RADIL: variants seen among roughly 807,000 people sequenced by gnomAD.
The protein encoded by RADIL is Rap associating with DIL domain.
A neutral mutation model predicts 97.6 loss-of-function variants in RADIL; 99 were observed. The ratio of observed to expected loss-of-function variants is 1.01; its 90% CI spans 0.86 to 1.20. The LOEUF (loss-of-function observed/expected upper bound fraction) is 1.20. Among genes scored for constraint, RADIL ranks in the 50% most tolerant of loss-of-function variants. The pLI, the probability that RADIL is intolerant of heterozygous loss-of-function variation, is 0.00. For synonymous variants in RADIL, 803 were observed against 691.8 expected (o/e 1.16, Z -2.52); for missense variants, 1,765 against 1,498.9 (o/e 1.18, Z -2.93).
At position 4,797,377 on chromosome 7, in the gene RADIL, G is replaced by C. The variant is rs776977068; in HGVS notation, c.*2001C>G. On this transcript the variant is annotated 3_prime_UTR_variant, in exon 15 of 15. Coordinates refer to ENST00000399583, the MANE Select transcript of RADIL (RefSeq NM_018059.5). ...TGGAAGGTCCCAGAATATCACTTATGCTGCATCCTGTTGTTCGGAGCAAGT... is the reference window on the plus strand; with the variant it reads ...TGGAAGGTCCCAGAATATCACTTATCCTGCATCCTGTTGTTCGGAGCAAGT... The C allele has an allele frequency of 6.6e-6, 1 of 152,236 alleles. No individual in the cohort carries two copies. Among genetic ancestry groups the C allele is most frequent in the Non-Finnish European group, 1.5e-5 (1 of 68,058 alleles). 9.4% of individuals were successfully genotyped at this position (152,236 alleles called of 1,614,324 possible). A position where few individuals can be genotyped will look rare whatever the true frequency, so the allele number is the denominator to read the frequency against.
intron 2 of RADIL, chr7:4,860,927 T>C: frequency 1.2e-6 from 2 of 1,614,206 alleles, no homozygotes; most frequent in Non-Finnish European, 1.7e-6. Flanking sequence ...CAAATTAAGA[T>C]TCCGTTCTTC....
intron 12 of RADIL, 40 bp from the exon 13 acceptor site, chr7:4,800,350 C>T (rs1782040648): frequency 7.1e-7 from 1 of 1,416,600 alleles, no homozygotes. Context: ...AGTGAGGCGC[C>T]AGGAATCACG....
At position 4,880,962 on chromosome 7, in the gene RADIL, G is replaced by C. The variant is rs1432290069; in HGVS notation, c.-65+2634C>G. The stretch of plus-strand genomic sequence containing the variant: ...AAAATAAAAATAAAAAATTAGCTGG[G>C]CATGGTGTGCACCTGTAGTCCCAGC... On this transcript the variant is annotated intron_variant, in intron 1 of 14. Coordinates refer to ENST00000399583, the MANE Select transcript of RADIL (RefSeq NM_018059.5). The surrounding 1 kb of genome is among the most constrained non-coding windows in gnomAD (Gnocchi z 4.5). Among the ~76,000 whole-genome samples, 1 of 152,128 alleles carries C rather than the reference G, an allele frequency of 6.6e-6. No individual in the cohort carries two copies. Among genetic ancestry groups the C allele is most frequent in the East Asian group, 1.9e-4 (1 of 5,178 alleles).
chr7:4,861,019 T>C, intron 2 of RADIL: 8 of 1,614,256 alleles, frequency 5.0e-6, no homozygotes, highest in Non-Finnish European at 5.1e-6. Context: ...TTGACGCTAC[T>C]GCATTTGGAT....
chr7:4,840,408 C>T lies in RADIL; in HGVS notation c.536-3803G>A, dbSNP rs942151408. Among the ~76,000 whole-genome samples, 16 of 152,116 alleles carry T rather than the reference C, an allele frequency of 1.1e-4. No individual in the cohort carries two copies. Among genetic ancestry groups the T allele is most frequent in the Admixed American group, 3.9e-4 (6 of 15,256 alleles). On this transcript the variant is annotated intron_variant, in intron 2 of 14. Transcript: ENST00000399583. The surrounding 1 kb of genome is among the most constrained non-coding windows in gnomAD (Gnocchi z 5.6). ...GCCGAGGCACGTGGAGAGCATCCCT[C>T]GTGATGCTGACCCCAGCCACCTTCA...
intron 2 of RADIL, among the ~76,000 whole-genome samples, chr7:4,875,234 C>T (rs1784347762): frequency 1.1e-5 from 1 of 93,064 alleles, no homozygotes; most frequent in Admixed American, 1.1e-4. Context: ...ACAACAACAA[C>T]AACAAAATTA....
chr7:4,805,966 C>T lies in RADIL; in HGVS notation c.2140-250G>A, dbSNP rs538508882. 1.4e-5 allele frequency: 14 copies of T among 985,322 alleles called. No individual in the cohort carries two copies. The African/African-American group carries it at 1.9e-4, about 14-fold the overall frequency. The allele number at this position is 985,322 out of a possible 1,614,324, so 61.0% of individuals were successfully genotyped here. A position where few individuals can be genotyped will look rare whatever the true frequency, so the allele number is the denominator to read the frequency against. ...ACCCCCTGCCCAGGGAACCCACCCC[C>T]GTCTCAAGCAAGGGCCGGCCTCACA... On this transcript the variant is annotated intron_variant, in intron 9 of 14. Transcript: ENST00000399583.
chr7:4,803,787 C>T, intron 10 of RADIL, 33 bp from the exon 11 acceptor site: 1 of 1,529,408 alleles, frequency 6.5e-7, no homozygotes, highest in Non-Finnish European at 8.9e-7. Context: ...GTAATGGCCA[C>T]AGGAGAAGCT....
intron 1 of RADIL, among the ~76,000 whole-genome samples, chr7:4,882,768 C>G (rs1355914222): frequency 6.6e-6 from 1 of 152,176 alleles, no homozygotes; most frequent in African/African-American, 2.4e-5. Context: ...GAGAGGAGAC[C>G]GACTTGCCCC....
In RADIL at chr7:4,834,618, C is replaced by G; in HGVS notation, c.1405G>C (p.Glu469Gln). ...LLLKIARLIRETVWEKTKELA... is the reference protein window; with the variant it reads ...LLLKIARLIRQTVWEKTKELA... ...CCCAGCACACTGACCCAGACAGTCT[C>G]GCGGATCAGCCTGGCTATCTTGAGC... Residue 469 changes from glutamate to glutamine, a missense_variant, in exon 4 of 15, where the codon GAG (glutamate) becomes CAG (glutamine). Transcript: ENST00000399583. The surrounding 1 kb of genome is among the most constrained non-coding windows in gnomAD (Gnocchi z 6.0). 3 of 1,341,288 alleles carry G rather than the reference C, an allele frequency of 2.2e-6. No homozygotes were observed. In the South Asian group the frequency reaches 7.6e-5, roughly 34 times the overall value. The allele number at this position is 1,341,288 out of a possible 1,614,324, so 83.1% of individuals were successfully genotyped here. A position where few individuals can be genotyped will look rare whatever the true frequency, so the allele number is the denominator to read the frequency against.
In RADIL at chr7:4,834,477, C is replaced by G; in HGVS notation, c.1416+130G>C. ...GCAGCGACAGGCAGGGAAAGGCCGC[C>G]CTGCGCTCAGCAGCACAGCACCGTG... On this transcript the variant is annotated intron_variant, in intron 4 of 14. Transcript: ENST00000399583. This position sits in a 1 kb window ranked among gnomAD's most constrained non-coding sequence, Gnocchi z 6.0. The G allele has an allele frequency of 9.1e-7, 1 of 1,103,804 alleles. No individual in the cohort carries two copies. The highest frequency in any genetic ancestry group is 1.1e-6 in the Non-Finnish European group (1 of 871,424). 68.4% of individuals were successfully genotyped at this position (1,103,804 alleles called of 1,614,324 possible). A position where few individuals can be genotyped will look rare whatever the true frequency, so the allele number is the denominator to read the frequency against.
chr7:4,819,111 G>A lies in RADIL; in HGVS notation c.1616-1760C>T, dbSNP rs1782759269. The stretch of plus-strand genomic sequence containing the variant: ...TTTAAAGACAGAGTCTCACTCTGTC[G>A]CCCAGGCTGGAGTGCAATGACACAA... On this transcript the variant is annotated intron_variant, in intron 6 of 14. Transcript: ENST00000399583. The surrounding 1 kb of genome is among the most constrained non-coding windows in gnomAD (Gnocchi z 5.8). Among the ~76,000 whole-genome samples, 1 of 142,858 alleles carries A rather than the reference G, an allele frequency of 7.0e-6. No homozygotes were observed. The highest frequency in any genetic ancestry group is 7.2e-5 in the Admixed American group (1 of 13,934). The allele number at this position is 142,858 out of a possible 152,430, so 93.7% of individuals were successfully genotyped here.
chr7:4,883,188 C>T lies in RADIL; in HGVS notation c.-65+408G>A, dbSNP rs1034705539. Among the ~76,000 whole-genome samples, 26 of 152,136 alleles carry T rather than the reference C, an allele frequency of 1.7e-4. No homozygotes were observed. The highest frequency in any genetic ancestry group is 6.0e-4 in the African/African-American group (25 of 41,430). ...TGCGCCCCGCTCCCCCGCTGCGCCC[C>T]GCTCCCCCGCTGCGCGCCCCGGACG... is the stretch of plus-strand genomic sequence containing the variant. On this transcript the variant is annotated intron_variant, in intron 1 of 14. Transcript: ENST00000399583. The surrounding 1 kb of genome is among the most constrained non-coding windows in gnomAD (Gnocchi z 7.1).
chr7:4,860,881 C>CCT, intron 2 of RADIL: 1 of 1,614,156 alleles, frequency 6.2e-7, no homozygotes, highest in Non-Finnish European at 8.5e-7. Flanking sequence ...TAAGATGGTA[C>CCT]CTATCACTGG....
chr7:4,840,965 TCAAAA>T lies in RADIL; in HGVS notation c.536-4365_536-4361del, dbSNP rs1160045579. Among the ~76,000 whole-genome samples the T allele has an allele frequency of 6.6e-6, 1 of 152,214 alleles. No homozygotes were observed. The highest frequency in any genetic ancestry group is 1.5e-5 in the Non-Finnish European group (1 of 68,044). On this transcript the variant is annotated intron_variant, in intron 2 of 14. Transcript: ENST00000399583. The surrounding 1 kb of genome is among the most constrained non-coding windows in gnomAD (Gnocchi z 5.6). ...CTGGGTGACAGAGCGAGACTCCGTC[TCAAAA>T]CAAAACAAAACAACAACAACGAAAA...
In RADIL at chr7:4,834,261, G is replaced by A. The variant is rs369866109; in HGVS notation, c.1416+346C>T. On this transcript the variant is annotated intron_variant, in intron 4 of 14. Coordinates refer to ENST00000399583, the MANE Select transcript of RADIL (RefSeq NM_018059.5). This position sits in a 1 kb window ranked among gnomAD's most constrained non-coding sequence, Gnocchi z 6.0. The stretch of plus-strand genomic sequence containing the variant: ...CTATCAATGTCACCTCGGCCTCGTG[G>A]TGCCCAGGCTCAGGGGCAGCTCACT... 6.6e-6 allele frequency among the ~76,000 whole-genome samples: 1 copy of A among 152,144 alleles called. No homozygotes were observed. Among genetic ancestry groups the A allele is most frequent in the Non-Finnish European group, 1.5e-5 (1 of 68,014 alleles).
intron 2 of RADIL, chr7:4,861,556 ACT>A (rs1783997688): frequency 1.2e-6 from 2 of 1,613,984 alleles, no homozygotes; most frequent in Non-Finnish European, 8.5e-7. Context: ...ACTGGGGAAG[ACT>A]CTTGCTTTCA....
At chr7:4,809,646 T>G in intron 9 of RADIL, 1 of 970,700 alleles carries the variant, frequency 1.0e-6, no homozygotes, top group Non-Finnish European at 1.2e-6. Flanking sequence ...TCAGGAGTAT[T>G]TTACATCTTA....
rs1271810609 is a variant in RADIL, at chr7:4,878,810, C to T, written c.-64-607G>A. Among the ~76,000 whole-genome samples the T allele has an allele frequency of 1.3e-5, 2 of 152,238 alleles. No individual in the cohort carries two copies. The highest frequency in any genetic ancestry group is 1.3e-4 in the Admixed American group (2 of 15,286). ...CATCAAGGAGCGCCCCACCCGGAGC[C>T]GGCCCCAGCACCATCACAGCCACAG... On this transcript the variant is annotated intron_variant, in intron 1 of 14. Transcript: ENST00000399583. This position sits in a 1 kb window ranked among gnomAD's most constrained non-coding sequence, Gnocchi z 4.1.
Sources: gnomAD v4.1 joint callset for allele counts (sites outside exome capture counted in the v4.1 genomes callset) on GRCh38, gnomAD v4.1.1 for gene constraint, Gnocchi (gnomAD v3.1) non-coding constraint, MANE v1.5 for transcripts, NCBI Gene and HGNC (gene_info 2026-07-23, HGNC 2026-07-21) for gene names.